The following KCNN2 variants were observed in gnomAD, a reference collection of about 807,000 sequenced individuals.
KCNN2 encodes the protein potassium calcium-activated channel subfamily N member 2.
A neutral mutation model predicts 55.5 loss-of-function variants in KCNN2; 24 were observed. That is an observed-to-expected ratio of 0.43 (90% CI 0.31 to 0.61). The LOEUF (loss-of-function observed/expected upper bound fraction) is 0.61. Ranked by LOEUF, KCNN2 falls within the 20% of genes least tolerant of loss-of-function variation. The probability of loss-of-function intolerance (pLI) is 0.08; values close to 1 mark genes in which losing one functional copy is unlikely to be tolerated. For missense variants in KCNN2, 754 were observed against 853.6 expected (o/e 0.88, Z 1.45); for synonymous variants, 431 against 336.1 (o/e 1.28, Z -3.09).
chr5:114,439,750 A>G (rs1318431429), intron 3 of KCNN2, among the ~76,000 whole-genome samples: 2 of 152,126 alleles, frequency 1.3e-5, no homozygotes, highest in Non-Finnish European at 1.5e-5. Flanking sequence ...TAAATATAAA[A>G]TCTCCCACCA....
chr5:114,336,998 G>A (rs1756934219), intron 2 of KCNN2, among the ~76,000 whole-genome samples: 1 of 152,140 alleles, frequency 6.6e-6, no homozygotes, highest in South Asian at 2.1e-4. Context: ...TTTAAACAAT[G>A]TAGTAATATG....
intron 1 of KCNN2, among the ~76,000 whole-genome samples, chr5:114,205,070 T>G (rs1014082737): frequency 6.1e-5 from 6 of 98,758 alleles, no homozygotes; most frequent in Admixed American, 4.8e-4. Flanking sequence ...GAATCTTCAG[T>G]TTTTCTTTGT....
intron 2 of KCNN2, among the ~76,000 whole-genome samples, chr5:114,341,409 T>C (rs566781455): frequency 3.0e-4 from 45 of 152,174 alleles, no homozygotes; most frequent in African/African-American, 9.6e-4. Flanking sequence ...GAAATGAAGA[T>C]AAAAGGAGAT....
At chr5:114,162,461 G>A (rs1752808935) in intron 1 of KCNN2, among the ~76,000 whole-genome samples, 1 of 152,218 alleles carries the variant, frequency 6.6e-6, no homozygotes, top group Non-Finnish European at 1.5e-5. Flanking sequence ...GGACCCACTT[G>A]AGGAGGCAGT....
intron 3 of KCNN2, among the ~76,000 whole-genome samples, chr5:114,449,824 C>CAG (rs1760575590): frequency 6.6e-6 from 1 of 151,698 alleles, no homozygotes; most frequent in Non-Finnish European, 1.5e-5. Flanking sequence ...ACAGATGCTG[C>CAG]CTCCTCAGAT....
At chr5:114,153,565 C>A (rs1752569918) in intron 1 of KCNN2, among the ~76,000 whole-genome samples, 2 of 152,136 alleles carry the variant, frequency 1.3e-5, no homozygotes, top group South Asian at 2.1e-4. Flanking sequence ...TTTCCCAAAC[C>A]CTAATGTCCA....
chr5:114,363,050 G>A lies in KCNN2; in HGVS notation c.911G>A (p.Gly304Glu), dbSNP rs750003653. 15 of 1,607,594 alleles carry A rather than the reference G, an allele frequency of 9.3e-6. No individual in the cohort carries two copies. The highest frequency in any genetic ancestry group is 1.2e-5 in the Non-Finnish European group (14 of 1,178,632). Residue 304 changes from glycine (G) to glutamate (E), a missense_variant, in exon 1 of 8, where the codon GGA becomes GAA. This residue lies in a region of KCNN2 where 381 missense variants were observed against 259.1 expected (regional missense o/e 1.47). Coordinates refer to ENST00000673685, the MANE Select transcript of KCNN2 (RefSeq NM_021614.4). ...ACCGGCGGCGGAGGCAGCACTGGAG[G>A]AGGCGGCGGCGGTGGCGGGAGCGGG... ...YGTGGGGSTG[G>E]GGGGGGSGHG...
intron 2 of KCNN2, among the ~76,000 whole-genome samples, chr5:114,396,094 G>A (rs1758604719): frequency 6.6e-6 from 1 of 152,020 alleles, no homozygotes; most frequent in Non-Finnish European, 1.5e-5. Flanking sequence ...TTGTACCCAG[G>A]AAATGGCACC....
At chr5:114,120,762 T>C (rs1751815542) in intron 1 of KCNN2, among the ~76,000 whole-genome samples, 1 of 152,180 alleles carries the variant, frequency 6.6e-6, no homozygotes, top group Non-Finnish European at 1.5e-5. Context: ...GACCAAATAA[T>C]TTTTTTGTAT....
At chr5:114,197,053 A>C (rs1052193387) in intron 1 of KCNN2, among the ~76,000 whole-genome samples, 1 of 152,050 alleles carries the variant, frequency 6.6e-6, no homozygotes, top group Non-Finnish European at 1.5e-5. Flanking sequence ...ATTTTCATTC[A>C]TTCTGAAATA....
chr5:114,163,348 A>C (rs1561504323), intron 1 of KCNN2, among the ~76,000 whole-genome samples: 1 of 152,096 alleles, frequency 6.6e-6, no homozygotes, highest in Non-Finnish European at 1.5e-5. Context: ...GTGGTGAGAA[A>C]GGGCATCCTT....
chr5:114,149,698 C>G (rs906170674), intron 1 of KCNN2, among the ~76,000 whole-genome samples: 3 of 152,280 alleles, frequency 2.0e-5, no homozygotes, highest in South Asian at 4.1e-4. Context: ...TCAGTAATTT[C>G]TAACAGAGCC....
intron 3 of KCNN2, among the ~76,000 whole-genome samples, chr5:114,442,905 A>G (rs1760269710): frequency 6.6e-6 from 1 of 152,030 alleles, no homozygotes; most frequent in Admixed American, 6.5e-5. Context: ...GTGCATGAGC[A>G]TGGTCAGAAG....
At chr5:114,391,647 G>A (rs1437663228) in intron 2 of KCNN2, among the ~76,000 whole-genome samples, 9 of 152,162 alleles carry the variant, frequency 5.9e-5, no homozygotes, top group South Asian at 2.1e-4. Flanking sequence ...TATTTGAGAT[G>A]CATTTCTTCT....
chr5:114,300,565 C>T (rs1268194373), intron 2 of KCNN2, among the ~76,000 whole-genome samples: 1 of 151,806 alleles, frequency 6.6e-6, no homozygotes, highest in East Asian at 1.9e-4. Flanking sequence ...TGTAGTGAGA[C>T]CAGATAATTC....
At chr5:114,312,659 G>T (rs557418945) in intron 2 of KCNN2, among the ~76,000 whole-genome samples, 56 of 151,798 alleles carry the variant, frequency 3.7e-4, no homozygotes, top group African/African-American at 1.4e-3. Flanking sequence ...CTATCCTTGT[G>T]TAAATTCCTC....
intron 2 of KCNN2, among the ~76,000 whole-genome samples, chr5:114,248,838 A>G (rs938730496): frequency 6.6e-6 from 1 of 152,198 alleles, no homozygotes; most frequent in African/African-American, 2.4e-5. Flanking sequence ...TCCATAAGTT[A>G]TAGAGAGCTG....
intron 2 of KCNN2, among the ~76,000 whole-genome samples, chr5:114,234,085 A>T (rs1412607587): frequency 1.3e-5 from 2 of 150,524 alleles, no homozygotes; most frequent in African/African-American, 4.9e-5. Flanking sequence ...TTCCTCACCT[A>T]GTTATTTATA....
intron 1 of KCNN2, among the ~76,000 whole-genome samples, chr5:114,166,838 G>A (rs903381326): frequency 6.6e-6 from 1 of 152,062 alleles, no homozygotes. Context: ...TGATGAATGA[G>A]ATCAGTGCCC....
Sources: gnomAD v4.1 joint callset for allele counts (sites outside exome capture counted in the v4.1 genomes callset) on GRCh38, gnomAD v4.1.1 for gene constraint, gnomAD v4.1.1 regional missense constraint, MANE v1.5 for transcripts, NCBI Gene and HGNC (gene_info 2026-07-23, HGNC 2026-07-21) for gene names.